TAOK1: variants seen among roughly 807,000 people sequenced by gnomAD.
TAOK1 encodes the protein TAO kinase 1.
Under a neutral mutation model 138.3 loss-of-function variants are expected in TAOK1, and 21 were observed. The observed-to-expected ratio is 0.15, with a 90% CI of 0.11 to 0.22. The LOEUF (loss-of-function observed/expected upper bound fraction) is 0.22. Among genes scored for constraint, TAOK1 ranks in the 10% least tolerant of loss-of-function variants. TAOK1 has a pLI of 1.00. For synonymous variants in TAOK1, 361 were observed against 398.4 expected (o/e 0.91, Z 1.12); for missense variants, 651 against 1,227.7 (o/e 0.53, Z 7.02).
chr17:29,521,574 C>T (rs2031916483), intron 16 of TAOK1, among the ~76,000 whole-genome samples: 1 of 152,148 alleles, frequency 6.6e-6, no homozygotes, highest in South Asian at 2.1e-4. Context: ...CAGTATAGCT[C>T]TCTAGTGTCC....
chr17:29,466,750 T>C (rs2030678481), intron 2 of TAOK1, among the ~76,000 whole-genome samples: 1 of 152,186 alleles, frequency 6.6e-6, no homozygotes, highest in African/African-American at 2.4e-5. Context: ...ACTCATGTTA[T>C]TGTCTTTAGG....
chr17:29,474,805 T>C (rs541018729), intron 3 of TAOK1, among the ~76,000 whole-genome samples: 6 of 151,656 alleles, frequency 4.0e-5, no homozygotes, highest in Admixed American at 3.9e-4. Flanking sequence ...AAAATGGTGC[T>C]GGTAGACTTG....
rs149298776 is a variant in TAOK1 at position 29,524,246 on chromosome 17, C to CAGAAT, written c.2148+1731_2148+1735dup. On this transcript the variant is annotated intron_variant, in intron 17 of 19. Transcript: ENST00000261716. ...GGGGAGATACATAATCATTTAGCTA[C>CAGAAT]AGAATAGACAATCTCCCATGAACAG... is the stretch of plus-strand genomic sequence containing the variant. 9.8e-3 allele frequency among the ~76,000 whole-genome samples: 1,494 copies of CAGAAT among 152,228 alleles called. 30 individuals carry two copies. Among genetic ancestry groups the CAGAAT allele is most frequent in the African/African-American group, 0.034 (1,407 of 41,526 alleles).
intron 8 of TAOK1, among the ~76,000 whole-genome samples, chr17:29,488,705 C>T (rs1347924200): frequency 6.6e-6 from 1 of 151,712 alleles, no homozygotes; most frequent in Non-Finnish European, 1.5e-5. Context: ...GGATGCAGAA[C>T]CTACAGATAC....
intron 9 of TAOK1, 77 bp from the exon 10 acceptor site, chr17:29,491,707 A>T: frequency 3.1e-6 from 3 of 979,612 alleles, no homozygotes. Context: ...TCCCACCAAT[A>T]GGCACGTGTC....
chr17:29,433,084 A>G (rs915236769), intron 1 of TAOK1, among the ~76,000 whole-genome samples: 1 of 152,090 alleles, frequency 6.6e-6, no homozygotes, highest in Non-Finnish European at 1.5e-5. Context: ...TATCTTTTTG[A>G]ATTACTAGTA....
Position 29,530,416 on chromosome 17 carries a change from C to T in TAOK1, c.2158C>T (p.Leu720Phe). 1 of 1,613,570 alleles carries T rather than the reference C, an allele frequency of 6.2e-7. No homozygotes were observed. The highest frequency in any genetic ancestry group is 2.2e-5 in the East Asian group (1 of 44,874). Residue 720 changes from leucine to phenylalanine, a missense_variant, in exon 18 of 20, where the codon CTC becomes TTC. By Grantham distance (22) the Leu-to-Phe change is conservative (BLOSUM62 0). Transcript: ENST00000261716. ...TTTTTTTTCTTCCCAGTCTAAAGAA[C>T]TCCAAATAAAAAAGCAGTTTCAGGA... ...QQPKSLKSKE[L>F]QIKKQFQDTC...
At chr17:29,410,129 T>C (rs1308827684) in intron 1 of TAOK1, among the ~76,000 whole-genome samples, 1 of 152,210 alleles carries the variant, frequency 6.6e-6, no homozygotes, top group African/African-American at 2.4e-5. Flanking sequence ...TTCTCATTGC[T>C]GTGTGAGCGG....
chr17:29,422,189 G>A (rs952288575), intron 1 of TAOK1, among the ~76,000 whole-genome samples: 11 of 138,502 alleles, frequency 7.9e-5, no homozygotes, highest in Admixed American at 5.9e-4. Flanking sequence ...GAGCCACCAC[G>A]CCCGGCCTAT....
chr17:29,410,418 T>A (rs569602959), intron 1 of TAOK1, among the ~76,000 whole-genome samples: 1 of 150,448 alleles, frequency 6.6e-6, no homozygotes, highest in African/African-American at 2.4e-5. Context: ...GCCTGGCTAA[T>A]TTTTTTGTAT....
intron 1 of TAOK1, among the ~76,000 whole-genome samples, chr17:29,427,707 A>T (rs1158365549): frequency 2.6e-5 from 4 of 151,856 alleles, no homozygotes; most frequent in Admixed American, 2.0e-4. Context: ...TGGGCAGATC[A>T]CTTGAGGTCA....
At chr17:29,489,134 T>G (rs530178747) in intron 8 of TAOK1, among the ~76,000 whole-genome samples, 86 of 152,326 alleles carry the variant, frequency 5.6e-4, no homozygotes, top group Admixed American at 7.9e-4. Flanking sequence ...ACAGGAAATA[T>G]ACACTCAAGT....
rs1385815546 is a variant in TAOK1, at chr17:29,549,159, T to C, written c.*6137T>C. 1.3e-5 allele frequency: 2 copies of C among 152,214 alleles called. No homozygotes were observed. The highest frequency in any genetic ancestry group is 2.9e-5 in the Non-Finnish European group (2 of 68,026). 9.4% of individuals were successfully genotyped at this position (152,214 alleles called of 1,614,324 possible). On this transcript the variant is annotated 3_prime_UTR_variant, in exon 20 of 20. Coordinates refer to ENST00000261716, the MANE Select transcript of TAOK1 (RefSeq NM_020791.4). ...TGAACTATGCTTATTGCTGGCACAT[T>C]GATCCCATTTCTGGAACATTTTTCC...
chr17:29,528,544 G>T (rs1598523751), intron 17 of TAOK1, among the ~76,000 whole-genome samples: 1 of 152,094 alleles, frequency 6.6e-6, no homozygotes, highest in East Asian at 1.9e-4. Context: ...AGAGTGTCAT[G>T]AAAAGAAATT....
intron 1 of TAOK1, among the ~76,000 whole-genome samples, chr17:29,446,633 A>G (rs2030085876): frequency 6.6e-6 from 1 of 152,116 alleles, no homozygotes; most frequent in African/African-American, 2.4e-5. Context: ...TATGTCATTC[A>G]CTTTCCAAAT....
chr17:29,410,930 C>A (rs910022585), intron 1 of TAOK1, among the ~76,000 whole-genome samples: 1 of 151,908 alleles, frequency 6.6e-6, no homozygotes, highest in Non-Finnish European at 1.5e-5. Flanking sequence ...CCACTGCACT[C>A]GGCCAGCTAG....
At chr17:29,457,983 G>A (rs567721215) in intron 2 of TAOK1, among the ~76,000 whole-genome samples, 24 of 152,048 alleles carry the variant, frequency 1.6e-4, no homozygotes, top group African/African-American at 4.6e-4. Context: ...GGTGGCGGAC[G>A]CCTGTAGTCC....
rs771461188 is a variant in TAOK1 at position 29,483,338 on chromosome 17, G to A, written c.655+1050G>A. On this transcript the variant is annotated intron_variant, in intron 8 of 19. Transcript: ENST00000261716. ...AGCTATCCTCCTGCCTCAGCCTCCC[G>A]CAGTGGGGGGATTTCAAGCATGAGC... Among the ~76,000 whole-genome samples the A allele has an allele frequency of 7.2e-5, 11 of 151,954 alleles. No homozygotes were observed. In the East Asian group the frequency reaches 1.4e-3, roughly 19 times the overall value.
chr17:29,536,423 C>A (rs2032224054), intron 19 of TAOK1, among the ~76,000 whole-genome samples: 1 of 151,882 alleles, frequency 6.6e-6, no homozygotes. Flanking sequence ...CACGGTGAAA[C>A]CCCGTCTCTA....
Sources: allele counts gnomAD v4.1 joint callset (sites outside exome capture counted in the v4.1 genomes callset), GRCh38; gene constraint gnomAD v4.1.1; transcripts MANE v1.5; gene names NCBI Gene and HGNC (gene_info 2026-07-23, HGNC 2026-07-21).